SCN1A: variants seen among roughly 807,000 people sequenced by gnomAD.
SCN1A encodes sodium channel protein type 1 subunit alpha.
Under a neutral mutation model 193.7 loss-of-function variants are expected in SCN1A, and 13 were observed. The ratio of observed to expected loss-of-function variants is 0.07; its 90% CI spans 0.04 to 0.11. The LOEUF is 0.11. Among genes scored for constraint, SCN1A ranks in the 10% least tolerant of loss-of-function variants. SCN1A has a pLI of 1.00. For missense variants in SCN1A, 1,432 were observed against 2,451.1 expected (o/e 0.58, Z 8.78); for synonymous variants, 781 against 843.6 (o/e 0.93, Z 1.29).
chr2:166,077,651 GTT>G (rs1442619872), intron 3 of SCN1A, 57 bp downstream of exon 3: 1 of 151,950 alleles, frequency 6.6e-6, no homozygotes, highest in Non-Finnish European at 1.5e-5. Flanking sequence ...TTGGAAGACA[GTT>G]TAGCAGTTTC....
At chr2:166,133,315 C>T (rs1691732395) in intron 1 of SCN1A, among the ~76,000 whole-genome samples, 1 of 152,134 alleles carries the variant, frequency 6.6e-6, no homozygotes, top group African/African-American at 2.4e-5. Flanking sequence ...GGAAGATTCA[C>T]TGCAATTTCC....
intron 2 of SCN1A, among the ~76,000 whole-genome samples, chr2:166,119,787 C>G (rs1690329056): frequency 1.3e-5 from 2 of 151,994 alleles, no homozygotes; most frequent in Non-Finnish European, 2.9e-5. Flanking sequence ...TTCAAACATT[C>G]AATTGTTTCA....
At chr2:166,136,373 T>G (rs1459776588) in intron 1 of SCN1A, among the ~76,000 whole-genome samples, 1 of 152,194 alleles carries the variant, frequency 6.6e-6, no homozygotes, top group African/African-American at 2.4e-5. Flanking sequence ...AGCGATCATT[T>G]GCTCTACTTC....
intron 16 of SCN1A, 122 bp from the exon 17 acceptor site, chr2:166,039,718 T>C (rs1430433016): frequency 3.5e-6 from 3 of 859,092 alleles, no homozygotes; most frequent in African/African-American, 1.7e-5. Context: ...AACTTAAATT[T>C]GTATGGCAAT....
intron 10 of SCN1A, 102 bp downstream of exon 10, chr2:166,048,784 T>G: frequency 1.3e-6 from 1 of 774,594 alleles, no homozygotes; most frequent in South Asian, 1.5e-5. Context: ...GTCAATAAAA[T>G]TAGTTGGCTG....
Position 166,072,840 on chromosome 2 carries a change from T to TTTC in SCN1A, c.264+517_264+518insGAA, listed in dbSNP as rs1309213384. ...TCCCTCCCACCCTCTCTTCTTTCTT[T>TTTC]TTTTTTTTTTTTTTTTTGACACAGT... On this transcript the variant is annotated intron_variant, in intron 4 of 28. Transcript: ENST00000674923. Among the ~76,000 whole-genome samples the TTTC allele has an allele frequency of 3.9e-4, 48 of 123,086 alleles. 1 individual carries two copies. The highest frequency in any genetic ancestry group is 2.1e-3 in the African/African-American group (46 of 21,676). 80.7% of individuals were successfully genotyped at this position (123,086 alleles called of 152,430 possible). A position where few individuals can be genotyped will look rare whatever the true frequency, so the allele number is the denominator to read the frequency against.
intron 17 of SCN1A, 96 bp from the exon 18 acceptor site, chr2:166,038,228 T>A: frequency 2.0e-6 from 2 of 980,428 alleles, no homozygotes; most frequent in Non-Finnish European, 3.0e-6. Context: ...TTCAATATCT[T>A]ACAATATCTG....
chr2:166,082,495 C>G (rs1427385061), intron 2 of SCN1A, among the ~76,000 whole-genome samples: 3 of 151,374 alleles, frequency 2.0e-5, no homozygotes, highest in Admixed American at 2.0e-4. Flanking sequence ...TGGACAGACC[C>G]AAAACAAATA....
chr2:166,038,270 A>C, intron 17 of SCN1A, 138 bp from the exon 18 acceptor site: 1 of 679,314 alleles, frequency 1.5e-6, no homozygotes, highest in Non-Finnish European at 2.4e-6. Context: ...CTCATGGCTA[A>C]TTTTTGGACT....
chr2:166,012,320 A>T (rs1017486618), intron 21 of SCN1A, 38 bp from the exon 22 acceptor site: 3 of 1,479,414 alleles, frequency 2.0e-6, no homozygotes, highest in Admixed American at 1.8e-5. Flanking sequence ...GCTTTCAAAA[A>T]TAATTATACT....
intron 26 of SCN1A, 196 bp from the exon 27 acceptor site, chr2:165,996,313 A>G: frequency 2.3e-6 from 1 of 426,784 alleles, no homozygotes; most frequent in Non-Finnish European, 4.2e-6. Context: ...ATAATTCAAA[A>G]TTGACTTTAT....
chr2:166,048,934 A>C lies in SCN1A; in HGVS notation c.980T>G (p.Leu327Arg). The C allele has an allele frequency of 3.7e-6, 6 of 1,603,746 alleles. No homozygotes were observed. Among genetic ancestry groups the C allele is most frequent in the Non-Finnish European group, 5.1e-6 (6 of 1,171,126 alleles). The stretch of plus-strand genomic sequence containing the variant: ...TAGTAGTGCATCTAAAAAACCCTCC[A>C]GGAAATAATGATATCCTGTTTGAAA... ...YIQDSRYHYF[L>R]EGFLDALLCG... Residue 327 changes from leucine (L) to arginine (R), a missense_variant, in exon 10 of 29, where the codon CTG (leucine) becomes CGG (arginine). By Grantham distance (102) the Leu-to-Arg change is moderately radical (BLOSUM62 -2). Transcript: ENST00000674923.
At chr2:166,137,075 GTCCAGTGCTCCTGCTAGTAGCCCTTCT>G (rs1691892134) in intron 1 of SCN1A, among the ~76,000 whole-genome samples, 1 of 152,160 alleles carries the variant, frequency 6.6e-6, no homozygotes, top group Non-Finnish European at 1.5e-5. Context: ...ATTCCTTGGA[GTCCAGTGCTCCTGCTAGTAGCCCTTCT>G]TCCAGGGCTC....
Position 166,046,821 on chromosome 2 carries a change from G to T in SCN1A, c.1326C>A (p.Ala442=), listed in dbSNP as rs753601387. Residue 442 remains alanine, a synonymous_variant, in exon 12 of 29, where the codon GCC becomes GCA. Transcript: ENST00000674923. ...GCTGTTCAATCATCTGCTGAAATTCGGCCTCTTTCTGTTCTGCTTCTTCCA... is the reference window on the plus strand; with the variant it reads ...GCTGTTCAATCATCTGCTGAAATTCTGCCTCTTTCTGTTCTGCTTCTTCCA... ...ATLEEAEQKE[A]EFQQMIEQLK... The T allele has an allele frequency of 1.2e-6, 2 of 1,613,622 alleles. No individual in the cohort carries two copies. Among genetic ancestry groups the T allele is most frequent in the Non-Finnish European group, 1.7e-6 (2 of 1,179,822 alleles).
At chr2:166,047,060 C>A (rs1321907566) in intron 11 of SCN1A, 84 bp from the exon 12 acceptor site, 9 of 1,443,756 alleles carry the variant, frequency 6.2e-6, no homozygotes, top group Non-Finnish European at 8.7e-6. Flanking sequence ...ATGTGTCTAG[C>A]AAAACTCAGA....
At chr2:166,086,975 A>C (rs1457881514) in intron 2 of SCN1A, among the ~76,000 whole-genome samples, 2 of 152,002 alleles carry the variant, frequency 1.3e-5, no homozygotes, top group Non-Finnish European at 2.9e-5. Context: ...TAGGTGTATG[A>C]TACTTGGTGC....
intron 1 of SCN1A, chr2:166,133,797 C>T (rs987384878): frequency 1.3e-5 from 2 of 152,192 alleles, no homozygotes; most frequent in Non-Finnish European, 2.9e-5. Flanking sequence ...CACTGTTCCG[C>T]TTCCTTTGTT....
chr2:166,038,467 A>G (rs1696742488), intron 17 of SCN1A, among the ~76,000 whole-genome samples: 1 of 151,924 alleles, frequency 6.6e-6, no homozygotes, highest in Non-Finnish European at 1.5e-5. Context: ...CAGCCTCCCA[A>G]GTAGCTGGGA....
chr2:166,053,904 A>C (rs1387621337), intron 7 of SCN1A, among the ~76,000 whole-genome samples: 1 of 151,936 alleles, frequency 6.6e-6, no homozygotes, highest in African/African-American at 2.4e-5. Flanking sequence ...CTAGAAAAAA[A>C]AGCATTGGGG....
Sources: gnomAD v4.1 joint callset for allele counts (sites outside exome capture counted in the v4.1 genomes callset) on GRCh38, gnomAD v4.1.1 for gene constraint, MANE v1.5 for transcripts, NCBI Gene and HGNC (gene_info 2026-07-23, HGNC 2026-07-21) for gene names.